ELP4: variants seen among roughly 807,000 people sequenced by gnomAD.
The protein encoded by ELP4 is elongator complex protein 4.
In ELP4, 51 loss-of-function variants were observed where a neutral mutation model predicts 48.9. The observed-to-expected ratio is 1.04, with a 90% CI of 0.83 to 1.32. The LOEUF is 1.32. Among genes scored for constraint, ELP4 ranks in the 40% most tolerant of loss-of-function variants. ELP4 has a pLI of 0.00. For synonymous variants in ELP4, 210 were observed against 189.2 expected (o/e 1.11, Z -0.90); for missense variants, 519 against 514.6 (o/e 1.01, Z -0.08).
intron 2 of ELP4, among the ~76,000 whole-genome samples, chr11:31,529,685 C>T (rs942730109): frequency 6.6e-6 from 1 of 152,110 alleles, no homozygotes; most frequent in Admixed American, 6.6e-5. Flanking sequence ...ACCTGTTTCT[C>T]ATATAGGAAA....
chr11:31,588,545 ATTC>A (rs760249905), intron 3 of ELP4, among the ~76,000 whole-genome samples: 4 of 152,028 alleles, frequency 2.6e-5, no homozygotes, highest in Non-Finnish European at 5.9e-5. Flanking sequence ...TTGATTACTA[ATTC>A]TTCTTTGTAC....
chr11:31,565,847 G>A lies in ELP4; in HGVS notation c.381+26064G>A, dbSNP rs918973877. On this transcript the variant is annotated intron_variant, in intron 3 of 9. Coordinates refer to ENST00000640961, the MANE Select transcript of ELP4 (RefSeq NM_019040.5). ...TGTTCTTTGGCTTAGGATTGTCTTG[G>A]CAAAGTAGGCTCTTTTTTGGTTCCA... is the stretch of plus-strand genomic sequence containing the variant. Among the ~76,000 whole-genome samples the A allele has an allele frequency of 1.3e-5, 2 of 152,254 alleles. 1 individual carries two copies.
In ELP4 at chr11:31,509,804, G is replaced by A; in HGVS notation, c.20G>A (p.Cys7Tyr). The A allele has an allele frequency of 6.2e-7, 1 of 1,614,144 alleles. No individual in the cohort carries two copies. The highest frequency in any genetic ancestry group is 8.5e-7 in the Non-Finnish European group (1 of 1,180,030). Residue 7 changes from cysteine to tyrosine, a missense_variant, in exon 1 of 10, where the codon TGC (cysteine) becomes TAC (tyrosine). By Grantham distance (194) the Cys-to-Tyr change is radical. Transcript: ENST00000640961. ...TCTAAGATGGCGGCAGTGGCAACCT[G>A]CGGTAGTGTTGCCGCGAGTACTGGG... is the stretch of plus-strand genomic sequence containing the variant. MAAVAT[C>Y]GSVAASTGSA...
At chr11:31,749,208 A>G (rs1947664538) in intron 9 of ELP4, among the ~76,000 whole-genome samples, 1 of 152,228 alleles carries the variant, frequency 6.6e-6, no homozygotes, top group African/African-American at 2.4e-5. Flanking sequence ...AGTAAACATT[A>G]CTGTGGAAGA....
chr11:31,748,354 C>T lies in ELP4; in HGVS notation c.1144-35039C>T, dbSNP rs376086514. On this transcript the variant is annotated intron_variant, in intron 9 of 9. Transcript: ENST00000640961. ...CCGCCTCTCAGGTTCACGCTATTTT[C>T]CTGCCTCAGCTTCCCCAGTAGCTGG... Among the ~76,000 whole-genome samples the T allele has an allele frequency of 1.5e-4, 22 of 150,480 alleles. No individual in the cohort carries two copies. In the East Asian group the frequency reaches 4.2e-3, roughly 28 times the overall value.
At chr11:31,550,571 T>C (rs1052746422) in intron 3 of ELP4, among the ~76,000 whole-genome samples, 1 of 152,106 alleles carries the variant, frequency 6.6e-6, no homozygotes, top group Non-Finnish European at 1.5e-5. Flanking sequence ...TGAAGAAAAA[T>C]AGTGACATTT....
intron 3 of ELP4, among the ~76,000 whole-genome samples, chr11:31,574,584 G>GT (rs934229447): frequency 9.2e-5 from 14 of 152,168 alleles, no homozygotes; most frequent in African/African-American, 2.7e-4. Context: ...CTGAGACGAA[G>GT]GTTCCAGAGG....
chr11:31,567,107 A>G (rs1957125786), intron 3 of ELP4, among the ~76,000 whole-genome samples: 1 of 151,238 alleles, frequency 6.6e-6, no homozygotes, highest in South Asian at 2.1e-4. Flanking sequence ...CTAACTTTGT[A>G]TTTTTAGTAG....
chr11:31,707,247 G>GTA, intron 9 of ELP4: 1 of 360,134 alleles, frequency 2.8e-6, no homozygotes, highest in South Asian at 1.5e-4. Flanking sequence ...TTTCATGTAA[G>GTA]TATATATATG....
intron 9 of ELP4, among the ~76,000 whole-genome samples, chr11:31,745,374 G>C (rs543582114): frequency 1.2e-3 from 189 of 152,090 alleles, no homozygotes; most frequent in African/African-American, 4.0e-3. Flanking sequence ...TTTCTTCACA[G>C]AATTGGAAAA....
chr11:31,590,056 T>G (rs529445946), intron 3 of ELP4, among the ~76,000 whole-genome samples: 2 of 152,316 alleles, frequency 1.3e-5, no homozygotes, highest in South Asian at 4.1e-4. Flanking sequence ...TCTGTGGCCT[T>G]GGACAAGTTA....
intron 3 of ELP4, among the ~76,000 whole-genome samples, chr11:31,577,078 G>A (rs1040375221): frequency 3.3e-5 from 5 of 151,968 alleles, no homozygotes; most frequent in Non-Finnish European, 5.9e-5. Flanking sequence ...GAATCAAATA[G>A]ACACAATAAA....
intron 3 of ELP4, among the ~76,000 whole-genome samples, chr11:31,541,883 T>G (rs906183173): frequency 6.6e-6 from 1 of 152,190 alleles, no homozygotes; most frequent in African/African-American, 2.4e-5. Context: ...ATGCAAGTAA[T>G]TGGGTGTTGC....
intron 9 of ELP4, among the ~76,000 whole-genome samples, chr11:31,728,706 G>A (rs1440764584): frequency 6.6e-6 from 1 of 152,028 alleles, no homozygotes; most frequent in East Asian, 1.9e-4. Flanking sequence ...TTATTTATCT[G>A]GATTAATGAT....
rs1167015585 is a variant in ELP4, at chr11:31,736,698, T to A, written c.1144-46695T>A. On this transcript the variant is annotated intron_variant, in intron 9 of 9. Transcript: ENST00000640961. ...AACAGACACTTCTCAAAAGAAGACA[T>A]TTATGCAGCCAGAAGACACATGAGA... Among the ~76,000 whole-genome samples, 3 of 152,210 alleles carry A rather than the reference T, an allele frequency of 2.0e-5. No homozygotes were observed. In the South Asian group the frequency reaches 6.2e-4, roughly 31 times the overall value.
At chr11:31,740,065 G>A (rs1028487699) in intron 9 of ELP4, among the ~76,000 whole-genome samples, 4 of 152,200 alleles carry the variant, frequency 2.6e-5, no homozygotes, top group African/African-American at 9.6e-5. Flanking sequence ...TTTATAGTCA[G>A]AGGTTATACA....
chr11:31,652,640 G>A (rs1945345309), intron 9 of ELP4: 1 of 151,740 alleles, frequency 6.6e-6, no homozygotes, highest in Non-Finnish European at 1.5e-5. Context: ...TTACTAGCCT[G>A]TAAAGTCTGA....
In ELP4 at chr11:31,538,768, G is replaced by A. The variant is rs576361454; in HGVS notation, c.260-894G>A. Among the ~76,000 whole-genome samples, 177 of 152,176 alleles carry A rather than the reference G, an allele frequency of 1.2e-3. 3 individuals are homozygous for A. In the South Asian group the frequency reaches 0.014, roughly 12 times the overall value. On this transcript the variant is annotated intron_variant, in intron 2 of 9. Coordinates refer to ENST00000640961, the MANE Select transcript of ELP4 (RefSeq NM_019040.5). ...TTTTCATATATTTTCACGAGGCATAGTCTGTAGCTTTCTGTTTCTGTTGTA... is the reference window on the plus strand; with the variant it reads ...TTTTCATATATTTTCACGAGGCATAATCTGTAGCTTTCTGTTTCTGTTGTA...
rs1342356288 is a variant in ELP4, at chr11:31,594,855, T to C, written c.467T>C (p.Ile156Thr). ...AATCATAAAACACCAGAATCTAATA[T>C]TAAGATGAAAATAGCTTGGCGTTAC... ...VYNHKTPESNIKMKIAWRYQL... is the reference protein window; with the variant it reads ...VYNHKTPESNTKMKIAWRYQL... Residue 156 changes from isoleucine (I) to threonine (T), a missense_variant, in exon 4 of 10, where the codon ATT becomes ACT. Transcript: ENST00000640961. 1.3e-6 allele frequency: 2 copies of C among 1,566,608 alleles called. No individual in the cohort carries two copies. Among genetic ancestry groups the C allele is most frequent in the South Asian group, 1.3e-5 (1 of 79,792 alleles).
Sources: gnomAD v4.1 joint callset for allele counts (sites outside exome capture counted in the v4.1 genomes callset) on GRCh38, gnomAD v4.1.1 for gene constraint, MANE v1.5 for transcripts, NCBI Gene and HGNC (gene_info 2026-07-23, HGNC 2026-07-21) for gene names.